Variants in GRM1 observed in about 807,000 individuals in gnomAD.
GRM1 encodes the protein glutamate metabotropic receptor 1.
In GRM1, 33 loss-of-function variants were observed where a neutral mutation model predicts 90.9. The ratio of observed to expected loss-of-function variants is 0.36; its 90% confidence interval spans 0.28 to 0.49. GRM1 has a LOEUF of 0.49. Ranked by LOEUF, GRM1 falls within the 20% of genes least tolerant of loss-of-function variation. GRM1 has a pLI of 0.99. For synonymous variants in GRM1, 700 were observed against 613.2 expected, an observed-to-expected ratio of 1.14 and a Z score of -2.09; for missense variants, 1,190 against 1,534.3, an observed-to-expected ratio of 0.78 and a Z score of 3.75.
At chr6:146,362,104 C>T (rs932844887) in intron 5 of GRM1, among the ~76,000 whole-genome samples, 5 of 152,090 alleles carry the variant, frequency 3.3e-5, no homozygotes, top group African/African-American at 1.2e-4. Context: ...CTTTCTTTTT[C>T]GTCTTAAGTT....
intron 2 of GRM1, among the ~76,000 whole-genome samples, chr6:146,204,930 T>C (rs77033412): frequency 6.6e-6 from 1 of 152,342 alleles, no homozygotes; most frequent in African/African-American, 2.4e-5. Context: ...TCACATTCTA[T>C]GAGGACATGG....
rs528080310 is a variant in GRM1 at position 146,423,177 on chromosome 6, C to T, written c.2661-10695C>T. Among the ~76,000 whole-genome samples, 17 of 152,332 alleles carry T rather than the reference C, an allele frequency of 1.1e-4. No individual in the cohort carries two copies. The South Asian group carries it at 1.5e-3, about 13-fold the overall frequency. On this transcript the variant is annotated intron_variant, in intron 7 of 7. Coordinates refer to ENST00000282753, the MANE Select transcript of GRM1 (RefSeq NM_001278064.2). ...CTTATATTTGACAAGCCCCCATATGCTACATTTTCCCTCCAAGCTTTTACT... is the reference window on the plus strand; with the variant it reads ...CTTATATTTGACAAGCCCCCATATGTTACATTTTCCCTCCAAGCTTTTACT...
chr6:146,266,584 C>T (rs1465365236), intron 2 of GRM1, among the ~76,000 whole-genome samples: 2 of 152,210 alleles, frequency 1.3e-5, no homozygotes, highest in Non-Finnish European at 2.9e-5. Flanking sequence ...TCCCTGATCT[C>T]CCAGCTTCAC....
chr6:146,360,953 A>G (rs1310828075), intron 5 of GRM1, among the ~76,000 whole-genome samples: 2 of 152,212 alleles, frequency 1.3e-5, no homozygotes, highest in African/African-American at 4.8e-5. Flanking sequence ...TCAAGAGGTC[A>G]CTGGATAGGC....
chr6:146,051,158 A>G (rs1406859059), intron 1 of GRM1, among the ~76,000 whole-genome samples: 1 of 152,024 alleles, frequency 6.6e-6, no homozygotes, highest in African/African-American at 2.4e-5. Context: ...ACTTTAGGTG[A>G]GTCACTGAGA....
At chr6:146,067,918 G>C (rs960217008) in intron 1 of GRM1, among the ~76,000 whole-genome samples, 1 of 152,052 alleles carries the variant, frequency 6.6e-6, no homozygotes, top group East Asian at 1.9e-4. Flanking sequence ...AAATAATCTG[G>C]CTTTATCTTT....
At chr6:146,041,018 G>A (rs1791081036) in intron 1 of GRM1, among the ~76,000 whole-genome samples, 1 of 151,222 alleles carries the variant, frequency 6.6e-6, no homozygotes, top group Admixed American at 6.6e-5. Flanking sequence ...TGCTTCATCA[G>A]TTCTGCTGTT....
intron 1 of GRM1, among the ~76,000 whole-genome samples, chr6:146,129,013 A>G (rs1322407348): frequency 1.3e-5 from 2 of 152,196 alleles, no homozygotes; most frequent in Non-Finnish European, 2.9e-5. Flanking sequence ...TTGAGAATAA[A>G]TAATGATTTC....
chr6:146,101,352 A>G (rs1426127935), intron 1 of GRM1, among the ~76,000 whole-genome samples: 4 of 152,070 alleles, frequency 2.6e-5, no homozygotes, highest in Non-Finnish European at 5.9e-5. Flanking sequence ...TCTTTTCACT[A>G]ACTTGTATTC....
In GRM1 at chr6:146,399,713, C is replaced by T; in HGVS notation, c.2660+14C>T. 6.5e-7 allele frequency: 1 copy of T among 1,545,960 alleles called. No homozygotes were observed. The highest frequency in any genetic ancestry group is 8.9e-7 in the Non-Finnish European group (1 of 1,127,032). On this transcript the variant is annotated intron_variant, in intron 7 of 7. Coordinates refer to ENST00000282753, the MANE Select transcript of GRM1 (RefSeq NM_001278064.2). This position sits in a 1 kb window ranked among gnomAD's most constrained non-coding sequence, Gnocchi z 5.4. Reference sequence around the variant, plus strand: ...AGGGAATGCCAAGTGAGTTATCTGACCTGTTTGTCTCTCTTTTCTCTTCCT... The same window carrying T: ...AGGGAATGCCAAGTGAGTTATCTGATCTGTTTGTCTCTCTTTTCTCTTCCT...
At chr6:146,364,960 A>G (rs1775623941) in intron 5 of GRM1, 1 of 152,154 alleles carries the variant, frequency 6.6e-6, no homozygotes, top group African/African-American at 2.4e-5. Context: ...CCTCTTTGTG[A>G]ATCAAAACAA....
rs117423161 is a variant in GRM1, at chr6:146,094,586, G to A, written c.700+64369G>A. Among the ~76,000 whole-genome samples, 599 of 152,210 alleles carry A rather than the reference G, an allele frequency of 3.9e-3. 17 individuals carry two copies. The East Asian group carries it at 0.069, about 18-fold the overall frequency. On this transcript the variant is annotated intron_variant, in intron 1 of 7. Coordinates refer to ENST00000282753, the MANE Select transcript of GRM1 (RefSeq NM_001278064.2). ...AAACAACTTCCTTAGGTTACCCTGT[G>A]TATGTGTAATTAATCATTTCATTGT...
intron 7 of GRM1, among the ~76,000 whole-genome samples, chr6:146,408,603 C>G (rs1468110127): frequency 6.6e-6 from 1 of 152,122 alleles, no homozygotes; most frequent in African/African-American, 2.4e-5. Flanking sequence ...CGTAATTACC[C>G]CTTCAAGTAA....
intron 2 of GRM1, among the ~76,000 whole-genome samples, chr6:146,204,086 T>C (rs1195447696): frequency 6.6e-6 from 1 of 152,234 alleles, no homozygotes; most frequent in Non-Finnish European, 1.5e-5. Flanking sequence ...AAAGAAGTGA[T>C]AACTAGATAC....
rs59893302 is a variant in GRM1, at chr6:146,130,229, TTCCCTCCCTCCC to T, written c.701-29105_701-29094del. Among the ~76,000 whole-genome samples, 10 of 150,238 alleles carry T rather than the reference TTCCCTCCCTCCC, an allele frequency of 6.7e-5. No homozygotes were observed. The East Asian group carries it at 1.4e-3, about 21-fold the overall frequency. On this transcript the variant is annotated intron_variant, in intron 1 of 7. Transcript: ENST00000282753. The stretch of plus-strand genomic sequence containing the variant: ...ACTCTAGATTTAGTTTTCTCTTTCT[TTCCCTCCCTCCC>T]TCCCTCCCTCCCTTCCTTCCTTCCT...
At position 146,432,455 on chromosome 6, in the gene GRM1, T is replaced by C. The variant is rs138005057; in HGVS notation, c.2661-1417T>C. On this transcript the variant is annotated intron_variant, in intron 7 of 7. Coordinates refer to ENST00000282753, the MANE Select transcript of GRM1 (RefSeq NM_001278064.2). ...CACATATAATTTTTGAAGTATTCGT[T>C]CTTGTATTCTCAAGATGATGAAATA... is the stretch of plus-strand genomic sequence containing the variant. 6.9e-3 allele frequency among the ~76,000 whole-genome samples: 1,058 copies of C among 152,360 alleles called. 10 individuals are homozygous for C. The highest frequency in any genetic ancestry group is 0.024 in the African/African-American group (1,001 of 41,582).
In GRM1 at chr6:146,435,320, G is replaced by C. The variant is rs1778563253; in HGVS notation, c.*524G>C. 1 of 207,472 alleles carries C rather than the reference G, an allele frequency of 4.8e-6. No individual in the cohort carries two copies. The highest frequency in any genetic ancestry group is 8.4e-5 in the South Asian group (1 of 11,836). The allele number at this position is 207,472 out of a possible 1,614,324, so 12.9% of individuals were successfully genotyped here. A position where few individuals can be genotyped will look rare whatever the true frequency, so the allele number is the denominator to read the frequency against. Reference sequence around the variant, plus strand: ...CAGACCCATCCCAAACGGATGATGGGATGATGGGACAGCAGCTCCTTGCTC... The same window carrying C: ...CAGACCCATCCCAAACGGATGATGGCATGATGGGACAGCAGCTCCTTGCTC... On this transcript the variant is annotated 3_prime_UTR_variant, in exon 8 of 8. Coordinates refer to ENST00000282753, the MANE Select transcript of GRM1 (RefSeq NM_001278064.2).
chr6:146,184,707 T>G (rs138775636), intron 2 of GRM1, among the ~76,000 whole-genome samples: 285 of 152,240 alleles, frequency 1.9e-3, no homozygotes, highest in African/African-American at 6.5e-3. Flanking sequence ...CGATAAACAT[T>G]TATTTATTTT....
chr6:146,185,905 G>A (rs1327574001), intron 2 of GRM1, among the ~76,000 whole-genome samples: 6 of 151,658 alleles, frequency 4.0e-5, no homozygotes, highest in African/African-American at 7.3e-5. Context: ...TAGATCTCAC[G>A]ATGAGATACC....
Sources: allele counts gnomAD v4.1 joint callset (sites outside exome capture counted in the v4.1 genomes callset), GRCh38; gene constraint gnomAD v4.1.1; non-coding constraint Gnocchi (gnomAD v3.1); transcripts MANE v1.5; gene names NCBI Gene and HGNC (gene_info 2026-07-23, HGNC 2026-07-21).